Variants in CHRM3 observed in about 807,000 individuals in gnomAD.
The protein encoded by CHRM3 is cholinergic receptor muscarinic 3.
A neutral mutation model predicts 41.8 loss-of-function variants in CHRM3; 11 were observed. That is an observed-to-expected ratio of 0.26 (90% CI 0.17 to 0.44). The LOEUF is 0.44. Among genes scored for constraint, CHRM3 ranks in the 20% least tolerant of loss-of-function variants. CHRM3 has a pLI of 1.00. For synonymous variants in CHRM3, 297 were observed against 301.4 expected (o/e 0.99, Z 0.15); for missense variants, 571 against 745.4 (o/e 0.77, Z 2.72).
chr1:239,873,099 C>G (rs1414969284), intron 6 of CHRM3, among the ~76,000 whole-genome samples: 2 of 152,084 alleles, frequency 1.3e-5, no homozygotes, highest in Non-Finnish European at 2.9e-5. Context: ...CCAGTGTGTA[C>G]AGTTGGGATG....
At chr1:239,811,282 C>T (rs1008812037) in intron 5 of CHRM3, among the ~76,000 whole-genome samples, 7 of 152,276 alleles carry the variant, frequency 4.6e-5, no homozygotes, top group East Asian at 3.9e-4. Context: ...GCACAATTGG[C>T]GCCAGAAAGC....
intron 5 of CHRM3, among the ~76,000 whole-genome samples, chr1:239,745,613 AG>A (rs1372437716): frequency 3.3e-5 from 5 of 152,048 alleles, no homozygotes; most frequent in African/African-American, 1.2e-4. Context: ...CATCTACATT[AG>A]GTATTTCTCC....
chr1:239,525,978 T>C (rs1192250992), intron 2 of CHRM3, among the ~76,000 whole-genome samples: 1 of 152,166 alleles, frequency 6.6e-6, no homozygotes, highest in African/African-American at 2.4e-5. Context: ...TTAAAGCTTC[T>C]CAAATGCTTC....
At chr1:239,474,043 G>A (rs1002380117) in intron 1 of CHRM3, among the ~76,000 whole-genome samples, 5 of 151,938 alleles carry the variant, frequency 3.3e-5, no homozygotes, top group Non-Finnish European at 7.4e-5. Context: ...TGAGTGTTGA[G>A]CATGGATTTT....
At chr1:239,846,785 C>T (rs758802455) in intron 6 of CHRM3, among the ~76,000 whole-genome samples, 7 of 152,086 alleles carry the variant, frequency 4.6e-5, no homozygotes, top group South Asian at 2.1e-4. Flanking sequence ...GTTTTTATTA[C>T]GTTACTATGT....
chr1:239,871,274 G>A (rs562957787), intron 6 of CHRM3, among the ~76,000 whole-genome samples: 6 of 152,178 alleles, frequency 3.9e-5, no homozygotes, highest in Admixed American at 6.5e-5. Context: ...ATGGAGTCTC[G>A]CTCTGTTGCG....
chr1:239,673,895 T>TAATCTAAAACACTCCA (rs973781188), intron 4 of CHRM3, among the ~76,000 whole-genome samples: 48 of 152,178 alleles, frequency 3.2e-4, no homozygotes, highest in African/African-American at 1.1e-3. Flanking sequence ...TCAGCAACCC[T>TAATCTAAAACACTCCA]AATCTAAAAC....
At chr1:239,483,243 T>G (rs1442067671) in intron 1 of CHRM3, among the ~76,000 whole-genome samples, 1 of 152,244 alleles carries the variant, frequency 6.6e-6, no homozygotes, top group African/African-American at 2.4e-5. Context: ...ATTAAAGATT[T>G]ACTAAGATGA....
chr1:239,793,081 C>A (rs1468334266), intron 5 of CHRM3, among the ~76,000 whole-genome samples: 1 of 152,214 alleles, frequency 6.6e-6, no homozygotes, highest in Middle Eastern at 3.2e-3. Context: ...ATTTGTCACA[C>A]ACTTGGACTT....
chr1:239,654,671 T>C (rs936126883), intron 4 of CHRM3, among the ~76,000 whole-genome samples: 1 of 152,090 alleles, frequency 6.6e-6, no homozygotes, highest in African/African-American at 2.4e-5. Context: ...AGTGCTGGGA[T>C]TACAGGCATG....
chr1:239,597,232 A>G (rs1664884151), intron 3 of CHRM3, among the ~76,000 whole-genome samples: 1 of 152,270 alleles, frequency 6.6e-6, no homozygotes, highest in East Asian at 1.9e-4. Context: ...CACCGGAGAA[A>G]AAAGAAGGTA....
chr1:239,541,981 A>C (rs1658825374), intron 2 of CHRM3, among the ~76,000 whole-genome samples: 1 of 152,198 alleles, frequency 6.6e-6, no homozygotes, highest in African/African-American at 2.4e-5. Context: ...TCTATTCAAC[A>C]GGAATCCGAA....
At chr1:239,512,026 A>T (rs1180919555) in intron 2 of CHRM3, among the ~76,000 whole-genome samples, 1 of 152,078 alleles carries the variant, frequency 6.6e-6, no homozygotes, top group Non-Finnish European at 1.5e-5. Context: ...GTTGTTCTAG[A>T]TGAGGGTTTA....
chr1:239,776,214 A>G (rs115186481), intron 5 of CHRM3, among the ~76,000 whole-genome samples: 1,979 of 152,242 alleles, frequency 0.013, 38 homozygotes, highest in African/African-American at 0.045. Flanking sequence ...GACTCCTTGG[A>G]TTTGAATACA....
chr1:239,733,140 GTCATTTAA>G (rs1261990942), intron 5 of CHRM3, among the ~76,000 whole-genome samples: 7 of 151,872 alleles, frequency 4.6e-5, no homozygotes, highest in Non-Finnish European at 8.8e-5. Context: ...CTGTTTCTTG[GTCATTTAA>G]TCAGGTTGAC....
intron 5 of CHRM3, among the ~76,000 whole-genome samples, chr1:239,743,751 G>A (rs995133496): frequency 8.9e-5 from 13 of 146,036 alleles, no homozygotes; most frequent in Non-Finnish European, 1.5e-5. Context: ...CCTTGCCTCA[G>A]TGATCTTCTT....
intron 1 of CHRM3, among the ~76,000 whole-genome samples, chr1:239,464,440 G>A (rs1665581900): frequency 6.6e-6 from 1 of 152,078 alleles, no homozygotes; most frequent in Admixed American, 6.5e-5. Flanking sequence ...CCCGCGACTG[G>A]GAATTCGTTC....
intron 6 of CHRM3, among the ~76,000 whole-genome samples, chr1:239,890,267 C>T (rs1329586295): frequency 2.0e-5 from 3 of 151,302 alleles, no homozygotes; most frequent in East Asian, 2.0e-4. Context: ...GGTGAGGTTG[C>T]GGAGAGGAGG....
chr1:239,621,468 C>T lies in CHRM3; in HGVS notation c.-312-10756C>T, dbSNP rs535355515. 2.9e-4 allele frequency among the ~76,000 whole-genome samples: 44 copies of T among 152,272 alleles called. No homozygotes were observed. In the South Asian group the frequency reaches 2.9e-3, roughly 10 times the overall value. On this transcript the variant is annotated intron_variant, in intron 3 of 6. Transcript: ENST00000676153. ...GACAGGCTGAAAGTGATGCCTCTTA[C>T]ACCAAACAGTTAGCCAAGTTGTGAA... is the stretch of plus-strand genomic sequence containing the variant.
Sources: allele counts gnomAD v4.1 joint callset (sites outside exome capture counted in the v4.1 genomes callset), GRCh38; gene constraint gnomAD v4.1.1; transcripts MANE v1.5; gene names NCBI Gene and HGNC (gene_info 2026-07-23, HGNC 2026-07-21).